OCIAD1: variants seen among roughly 807,000 people sequenced by gnomAD.
OCIAD1 encodes OCIA domain-containing protein 1.
A neutral mutation model predicts 38.9 loss-of-function variants in OCIAD1; 29 were observed. That is an observed-to-expected ratio of 0.74 (90% CI 0.55 to 1.02). The LOEUF (loss-of-function observed/expected upper bound fraction) is 1.02. Ranked by LOEUF, OCIAD1 falls within the 50% of genes least tolerant of loss-of-function variation. The pLI is 0.00. For missense variants in OCIAD1, 288 were observed against 289.6 expected, an observed-to-expected ratio of 0.99 and a Z score of 0.04; for synonymous variants, 110 against 92.0, an observed-to-expected ratio of 1.20 and a Z score of -1.12.
intron 1 of OCIAD1, among the ~76,000 whole-genome samples, chr4:48,831,853 A>G (rs1336384789): frequency 1.3e-5 from 2 of 152,128 alleles, no homozygotes; most frequent in Non-Finnish European, 1.5e-5. Flanking sequence ...TGCTGTCCTC[A>G]TTGTGTATGC....
chr4:48,847,331 T>C (rs1779058283), intron 4 of OCIAD1, among the ~76,000 whole-genome samples: 1 of 152,232 alleles, frequency 6.6e-6, no homozygotes, highest in Admixed American at 6.5e-5. Context: ...CTTCTCTGTA[T>C]ACTTTGGAAT....
At chr4:48,817,307 G>C (rs1379269011) in intron 1 of OCIAD1, among the ~76,000 whole-genome samples, 2 of 152,160 alleles carry the variant, frequency 1.3e-5, no homozygotes, top group African/African-American at 4.8e-5. Context: ...CCGGGGCCCT[G>C]GGTTTCAAGC....
chr4:48,857,381 C>A lies in OCIAD1; in HGVS notation c.700+16C>A. On this transcript the variant is annotated intron_variant, in intron 8 of 8. Coordinates refer to ENST00000264312, the MANE Select transcript of OCIAD1 (RefSeq NM_017830.4). The stretch of plus-strand genomic sequence containing the variant: ...AAAAAAGAAGGTATGATAGTTTAGT[C>A]TGAATCACTTTACTGTTGAGGATTG... The A allele has an allele frequency of 1.3e-6, 2 of 1,495,078 alleles. No individual in the cohort carries two copies. The highest frequency in any genetic ancestry group is 1.4e-5 in the South Asian group (1 of 71,248). 92.6% of individuals were successfully genotyped at this position (1,495,078 alleles called of 1,614,324 possible). A position where few individuals can be genotyped will look rare whatever the true frequency, so the allele number is the denominator to read the frequency against.
At chr4:48,837,259 C>T (rs1171658939) in intron 3 of OCIAD1, 1 of 143,146 alleles carries the variant, frequency 7.0e-6, no homozygotes, top group South Asian at 2.4e-4. Flanking sequence ...AGACGTAAGC[C>T]ATCGTTTTTT....
At chr4:48,826,076 G>GA (rs1777246782), upstream of OCIAD1, among the ~76,000 whole-genome samples, 1 of 152,032 alleles carries the variant, frequency 6.6e-6, no homozygotes. Flanking sequence ...GACATCAAGT[G>GA]ATCCGCCCAT....
intron 7 of OCIAD1, among the ~76,000 whole-genome samples, chr4:48,852,882 G>GTTTTTTTGTTTTTTT (rs1779635252): frequency 7.9e-6 from 1 of 126,338 alleles, no homozygotes; most frequent in African/African-American, 3.2e-5. Context: ...TTTGTTTTTT[G>GTTTTTTTGTTTTTTT]TTTTTTTTTT....
intron 1 of OCIAD1, among the ~76,000 whole-genome samples, chr4:48,808,399 G>A (rs1777051628): frequency 6.6e-6 from 1 of 152,146 alleles, no homozygotes; most frequent in Admixed American, 6.5e-5. Flanking sequence ...GAGCCTGAGA[G>A]TCTGAGGCTA....
intron 2 of OCIAD1, among the ~76,000 whole-genome samples, chr4:48,833,143 C>T (rs1421932736): frequency 2.6e-5 from 4 of 151,894 alleles, no homozygotes; most frequent in South Asian, 2.1e-4. Flanking sequence ...CCCAGCTACT[C>T]GGAAGGCTGA....
chr4:48,834,103 G>T (rs1777769157), intron 3 of OCIAD1, among the ~76,000 whole-genome samples: 1 of 152,116 alleles, frequency 6.6e-6, no homozygotes, highest in South Asian at 2.1e-4. Flanking sequence ...ATTTAACAAA[G>T]AATTGGTATT....
chr4:48,861,145 A>G lies in OCIAD1; in HGVS notation c.*383A>G, dbSNP rs1780567352. The stretch of plus-strand genomic sequence containing the variant: ...ATGGGGGGAGCAAGCATAATTTTTA[A>G]GTGTGAAGCTTTGCATCAAGAAATT... On this transcript the variant is annotated 3_prime_UTR_variant, in exon 9 of 9. Coordinates refer to ENST00000264312, the MANE Select transcript of OCIAD1 (RefSeq NM_017830.4). The G allele has an allele frequency of 5.7e-6, 1 of 175,516 alleles. No individual in the cohort carries two copies. The highest frequency in any genetic ancestry group is 1.2e-5 in the Non-Finnish European group (1 of 83,926). 10.9% of individuals were successfully genotyped at this position (175,516 alleles called of 1,614,324 possible).
chr4:48,812,001 G>A (rs757961101), intron 1 of OCIAD1, among the ~76,000 whole-genome samples: 11 of 151,972 alleles, frequency 7.2e-5, no homozygotes, highest in Non-Finnish European at 1.0e-4. Flanking sequence ...ACTAAATTTG[G>A]GGCTGGGCAC....
intron 1 of OCIAD1, among the ~76,000 whole-genome samples, chr4:48,809,396 C>T (rs1282060006): frequency 4.0e-5 from 6 of 151,892 alleles, no homozygotes; most frequent in Admixed American, 6.6e-5. Flanking sequence ...CGGTGGTGGG[C>T]GCCAATAATC....
intron 1 of OCIAD1, among the ~76,000 whole-genome samples, chr4:48,808,917 T>G (rs1035264118): frequency 1.3e-5 from 2 of 152,188 alleles, no homozygotes; most frequent in African/African-American, 2.4e-5. Flanking sequence ...TTACCAAACC[T>G]GAGAGTCATT....
At chr4:48,842,296 T>C (rs1218868947) in intron 3 of OCIAD1, among the ~76,000 whole-genome samples, 4 of 152,250 alleles carry the variant, frequency 2.6e-5, no homozygotes, top group African/African-American at 9.6e-5. Context: ...CTTCATTAAC[T>C]TTTTCCCCTT....
At chr4:48,846,378 A>G (rs1318530497) in intron 4 of OCIAD1, among the ~76,000 whole-genome samples, 1 of 152,232 alleles carries the variant, frequency 6.6e-6, no homozygotes, top group Non-Finnish European at 1.5e-5. Context: ...ATCCAGTAGC[A>G]TGCTGGAACT....
chr4:48,817,264 G>A (rs1377773211), intron 1 of OCIAD1, among the ~76,000 whole-genome samples: 3 of 152,186 alleles, frequency 2.0e-5, no homozygotes, highest in East Asian at 1.9e-4. Context: ...CTTTTTCCAC[G>A]GTTTTTGCAA....
chr4:48,806,696 C>T (rs1391192807), intron 1 of OCIAD1, among the ~76,000 whole-genome samples: 3 of 152,134 alleles, frequency 2.0e-5, no homozygotes, highest in African/African-American at 2.4e-5. Flanking sequence ...ACCTCTGCCT[C>T]CCAGGTTCAA....
upstream of OCIAD1, among the ~76,000 whole-genome samples, chr4:48,826,465 C>T (rs1182523103): frequency 2.0e-5 from 3 of 152,108 alleles, no homozygotes; most frequent in African/African-American, 7.2e-5. Context: ...CATCCATGTC[C>T]CTACAAAGGA....
Position 48,832,776 on chromosome 4 carries a change from T to C in OCIAD1, c.58+94T>C, listed in dbSNP as rs1479663992. 4 of 887,462 alleles carry C rather than the reference T, an allele frequency of 4.5e-6. No individual in the cohort carries two copies. The East Asian group carries it at 9.7e-5, about 21-fold the overall frequency. The allele number at this position is 887,462 out of a possible 1,614,324, so 55.0% of individuals were successfully genotyped here. On this transcript the variant is annotated intron_variant, in intron 2 of 8. Coordinates refer to ENST00000264312, the MANE Select transcript of OCIAD1 (RefSeq NM_017830.4). Reference sequence around the variant, plus strand: ...AACAGTGGCAGGTGGGCTGGCTTCATGGGCATGTGCAGACAGCGCCCCATA... The same window carrying C: ...AACAGTGGCAGGTGGGCTGGCTTCACGGGCATGTGCAGACAGCGCCCCATA...
Sources: gnomAD v4.1 joint callset for allele counts (sites outside exome capture counted in the v4.1 genomes callset) on GRCh38, gnomAD v4.1.1 for gene constraint, MANE v1.5 for transcripts, NCBI Gene and HGNC (gene_info 2026-07-23, HGNC 2026-07-21) for gene names.